Variants in COPS8 observed in about 807,000 individuals in gnomAD.
COPS8 encodes the protein COP9 signalosome complex subunit 8.
Under a neutral mutation model 31.5 loss-of-function variants are expected in COPS8, and 11 were observed. That is an observed-to-expected ratio of 0.35 (90% CI 0.22 to 0.58). The LOEUF (loss-of-function observed/expected upper bound fraction) is 0.58. Ranked by LOEUF, COPS8 falls within the 20% of genes least tolerant of loss-of-function variation. The pLI, the probability that COPS8 is intolerant of heterozygous loss-of-function variation, is 0.83. For synonymous variants in COPS8, 81 were observed against 89.3 expected (o/e 0.91, Z 0.52); for missense variants, 215 against 255.1 (o/e 0.84, Z 1.07).
rs113220089 is a variant in COPS8 at position 237,095,719 on chromosome 2, T to C, written c.440-103T>C. ...TAAAAATGCATATGACGGGTTATAC[T>C]AAACACATCAGGTCTTCTGTACAAC... On this transcript the variant is annotated intron_variant, in intron 5 of 7. Coordinates refer to ENST00000354371, the MANE Select transcript of COPS8 (RefSeq NM_006710.5). 2.7e-3 allele frequency: 2,018 copies of C among 742,360 alleles called. 21 individuals carry two copies. The highest frequency in any genetic ancestry group is 0.023 in the East Asian group (875 of 37,984). 46.0% of individuals were successfully genotyped at this position (742,360 alleles called of 1,614,324 possible).
chr2:237,089,015 A>G (rs1173184405), intron 3 of COPS8, among the ~76,000 whole-genome samples: 4 of 152,240 alleles, frequency 2.6e-5, no homozygotes, highest in African/African-American at 7.2e-5. Context: ...TGAAACTGCC[A>G]TCGTTTACAA....
chr2:237,091,190 T>C (rs988842322), intron 4 of COPS8, among the ~76,000 whole-genome samples: 1 of 152,160 alleles, frequency 6.6e-6, no homozygotes, highest in Non-Finnish European at 1.5e-5. Flanking sequence ...TCTCACTGAA[T>C]TCCATGAGAT....
intron 4 of COPS8, among the ~76,000 whole-genome samples, chr2:237,090,922 C>T (rs1696696106): frequency 6.6e-6 from 1 of 152,190 alleles, no homozygotes; most frequent in South Asian, 2.1e-4. Flanking sequence ...TGCACAGGTA[C>T]AGCAGGGGCA....
At chr2:237,088,489 T>G in intron 2 of COPS8, 116 bp from the exon 3 acceptor site, 1 of 546,530 alleles carries the variant, frequency 1.8e-6, no homozygotes, top group Non-Finnish European at 3.2e-6. Flanking sequence ...AAATTTTACT[T>G]TGTGTTATGT....
chr2:237,091,469 T>G (rs1696704880), intron 4 of COPS8, among the ~76,000 whole-genome samples: 2 of 152,230 alleles, frequency 1.3e-5, no homozygotes, highest in Non-Finnish European at 2.9e-5. Context: ...TTTACAAATC[T>G]CCAGATTCAT....
At chr2:237,087,259 C>T in intron 2 of COPS8, 62 bp downstream of exon 2, 2 of 1,238,758 alleles carry the variant, frequency 1.6e-6, no homozygotes, top group Non-Finnish European at 2.3e-6. Context: ...GGAAATATTT[C>T]TGCACTGAAG....
At chr2:237,090,146 T>G in intron 4 of COPS8, 152 bp downstream of exon 4, 1 of 646,550 alleles carries the variant, frequency 1.5e-6, no homozygotes, top group Non-Finnish European at 2.4e-6. Context: ...TTTGCCCTAA[T>G]CATGCTTCTT....
chr2:237,094,036 T>C (rs1696751210), intron 4 of COPS8, 54 bp from the exon 5 acceptor site: 1 of 1,590,802 alleles, frequency 6.3e-7, no homozygotes, highest in South Asian at 1.1e-5. Flanking sequence ...ACAATGTGCT[T>C]TGAAAATGCT....
rs112404367 is a variant in COPS8, at chr2:237,097,159, C to T, written c.550+290C>T. On this transcript the variant is annotated intron_variant, in intron 7 of 7. Coordinates refer to ENST00000354371, the MANE Select transcript of COPS8 (RefSeq NM_006710.5). ...CCAGTACTGTTATTCAGAAGGCGTC[C>T]CCAGGCTGACGTGTAGTAATTTAAA... 1.6e-3 allele frequency among the ~76,000 whole-genome samples: 245 copies of T among 152,006 alleles called. 3 individuals carry two copies. Among genetic ancestry groups the T allele is most frequent in the East Asian group, 0.013 (67 of 5,178 alleles).
chr2:237,091,936 C>G (rs973069892), intron 4 of COPS8, among the ~76,000 whole-genome samples: 6 of 152,204 alleles, frequency 3.9e-5, no homozygotes, highest in African/African-American at 1.4e-4. Flanking sequence ...CAAGAGAGCT[C>G]AGGTGCAACA....
At chr2:237,089,152 A>T (rs1355494075) in intron 3 of COPS8, among the ~76,000 whole-genome samples, 1 of 152,184 alleles carries the variant, frequency 6.6e-6, no homozygotes, top group East Asian at 1.9e-4. Flanking sequence ...GGAATGAAGT[A>T]AAATTTTAAT....
chr2:237,093,928 A>C, intron 4 of COPS8, 162 bp from the exon 5 acceptor site: 2 of 1,338,582 alleles, frequency 1.5e-6, no homozygotes, highest in South Asian at 4.5e-5. Context: ...AACCCCCCGT[A>C]CATACTGGGC....
chr2:237,090,411 G>C (rs1303766476), intron 4 of COPS8, among the ~76,000 whole-genome samples: 1 of 152,178 alleles, frequency 6.6e-6, no homozygotes, highest in African/African-American at 2.4e-5. Flanking sequence ...ATACATAGAT[G>C]CTCAAATGTG....
At chr2:237,095,553 A>T (rs899504190) in intron 5 of COPS8, among the ~76,000 whole-genome samples, 1 of 152,190 alleles carries the variant, frequency 6.6e-6, no homozygotes, top group Non-Finnish European at 1.5e-5. Flanking sequence ...GATTAGGTTA[A>T]TACTATAATA....
In COPS8 at chr2:237,100,338, T is replaced by C. The variant is rs1161583013; in HGVS notation, c.*2596T>C. ...CTGACAGCACCCTGTTTCAGATCCA[T>C]TGGATATCTCTAAAATTTGCTCTGG... On this transcript the variant is annotated 3_prime_UTR_variant, in exon 8 of 8. Transcript: ENST00000354371. 7 of 152,258 alleles carry C rather than the reference T, an allele frequency of 4.6e-5. No homozygotes were observed. In the East Asian group the frequency reaches 9.7e-4, roughly 21 times the overall value. The allele number at this position is 152,258 out of a possible 1,614,324, so 9.4% of individuals were successfully genotyped here.
chr2:237,095,035 A>T (rs905107629), intron 5 of COPS8, among the ~76,000 whole-genome samples: 14 of 152,278 alleles, frequency 9.2e-5, no homozygotes, highest in Non-Finnish European at 2.1e-4. Context: ...TTGATTCTCC[A>T]GCTAAAATAT....
chr2:237,096,974 C>T, intron 7 of COPS8, 105 bp downstream of exon 7: 2 of 792,012 alleles, frequency 2.5e-6, no homozygotes, highest in South Asian at 3.2e-5. Flanking sequence ...TATTTCTTAC[C>T]TTGTAAACAG....
At chr2:237,091,058 C>T (rs1696697968) in intron 4 of COPS8, among the ~76,000 whole-genome samples, 1 of 152,164 alleles carries the variant, frequency 6.6e-6, no homozygotes, top group South Asian at 2.1e-4. Context: ...GGCCATGTGC[C>T]TTTTCCCAGT....
At chr2:237,096,904 C>A (rs996200580) in intron 7 of COPS8, 35 bp downstream of exon 7, 6 of 1,445,510 alleles carry the variant, frequency 4.2e-6, no homozygotes, top group African/African-American at 1.4e-5. Flanking sequence ...TTTAATGTCT[C>A]ATTGTTCCTA....
Sources: allele counts gnomAD v4.1 joint callset (sites outside exome capture counted in the v4.1 genomes callset), GRCh38; gene constraint gnomAD v4.1.1; transcripts MANE v1.5; gene names NCBI Gene and HGNC (gene_info 2026-07-23, HGNC 2026-07-21).